The following FLT1 variants were observed in gnomAD, a reference collection of about 807,000 sequenced individuals.
FLT1 encodes vascular endothelial growth factor receptor 1.
A neutral mutation model predicts 156.3 loss-of-function variants in FLT1; 49 were observed. The ratio of observed to expected loss-of-function variants is 0.31; its 90% CI spans 0.25 to 0.40. The LOEUF is 0.40. Ranked by LOEUF, FLT1 falls within the 10% of genes least tolerant of loss-of-function variation. The pLI, the probability that FLT1 is intolerant of heterozygous loss-of-function variation, is 1.00. For synonymous variants in FLT1, 594 were observed against 583.8 expected (o/e 1.02, Z -0.25); for missense variants, 1,322 against 1,637.2 (o/e 0.81, Z 3.32).
intron 29 of FLT1, 60 bp downstream of exon 29, chr13:28,306,618 C>G: frequency 8.5e-7 from 1 of 1,174,692 alleles, no homozygotes; most frequent in Non-Finnish European, 1.3e-6. Flanking sequence ...CCACCTTCCC[C>G]CAGCATCTCC....
At chr13:28,385,898 G>A (rs1171554956) in intron 13 of FLT1, 1 of 1,040,374 alleles carries the variant, frequency 9.6e-7, no homozygotes, top group Non-Finnish European at 1.2e-6. Context: ...CTGCTGATGT[G>A]TATACATTCT....
At chr13:28,354,776 G>C (rs1029816431) in intron 15 of FLT1, among the ~76,000 whole-genome samples, 1 of 151,804 alleles carries the variant, frequency 6.6e-6, no homozygotes, top group African/African-American at 2.4e-5. Flanking sequence ...ATGGCAGTTG[G>C]GGGCAATAAT....
At chr13:28,417,799 T>A (rs1001601295) in intron 10 of FLT1, among the ~76,000 whole-genome samples, 1 of 151,882 alleles carries the variant, frequency 6.6e-6, no homozygotes, top group African/African-American at 2.4e-5. Flanking sequence ...CAATGCTGAG[T>A]GAATTAATCG....
At chr13:28,358,274 G>A (rs1158194319) in intron 14 of FLT1, among the ~76,000 whole-genome samples, 1 of 152,166 alleles carries the variant, frequency 6.6e-6, no homozygotes, top group Non-Finnish European at 1.5e-5. Flanking sequence ...ATAAGGCCTG[G>A]TGAGTCAATA....
intron 12 of FLT1, among the ~76,000 whole-genome samples, chr13:28,391,481 C>T (rs115605697): frequency 6.6e-6 from 1 of 152,214 alleles, no homozygotes; most frequent in Non-Finnish European, 1.5e-5. Flanking sequence ...GACCTGGAAG[C>T]CCCCTCCCCA....
At chr13:28,431,423 T>C in intron 6 of FLT1, 113 bp from the exon 7 acceptor site, 3 of 778,022 alleles carry the variant, frequency 3.9e-6, no homozygotes, top group Non-Finnish European at 4.3e-6. Flanking sequence ...TGTTTTATAC[T>C]AAGAATCATG....
At position 28,449,249 on chromosome 13, in the gene FLT1, C is replaced by T. The variant is rs75255618; in HGVS notation, c.389-10904G>A. 5.4e-4 allele frequency among the ~76,000 whole-genome samples: 82 copies of T among 152,182 alleles called. 1 individual carries two copies. In the East Asian group the frequency reaches 0.013, roughly 24 times the overall value. ...CAGTGTCACTGCACTCTGGCCTGGG[C>T]GACAGAGCAAGACCCTGTCTCTAAG... On this transcript the variant is annotated intron_variant, in intron 3 of 29. Coordinates refer to ENST00000282397, the MANE Select transcript of FLT1 (RefSeq NM_002019.4).
rs978825284 is a variant in FLT1 at position 28,471,933 on chromosome 13, C to T, written c.65-4316G>A. Among the ~76,000 whole-genome samples the T allele has an allele frequency of 5.3e-5, 8 of 152,046 alleles. No individual in the cohort carries two copies. In the East Asian group the frequency reaches 1.5e-3, roughly 29 times the overall value. ...ACTCAACATAGAGCATGAAAATGGG[C>T]TTTATCCCATGCTACTTTGTTAGAA... On this transcript the variant is annotated intron_variant, in intron 1 of 29. Coordinates refer to ENST00000282397, the MANE Select transcript of FLT1 (RefSeq NM_002019.4).
intron 18 of FLT1, among the ~76,000 whole-genome samples, 184 bp from the exon 19 acceptor site, chr13:28,329,912 CT>C (rs1871856564): frequency 6.6e-6 from 1 of 152,222 alleles, no homozygotes; most frequent in Non-Finnish European, 1.5e-5. Context: ...AGCCAACATC[CT>C]TTTGATTACA....
chr13:28,425,991 G>T (rs1055619699), intron 10 of FLT1, among the ~76,000 whole-genome samples: 1 of 152,152 alleles, frequency 6.6e-6, no homozygotes, highest in Non-Finnish European at 1.5e-5. Flanking sequence ...GAATTCCATA[G>T]CTCACCAGTA....
intron 15 of FLT1, among the ~76,000 whole-genome samples, chr13:28,354,763 A>G (rs1467818565): frequency 6.6e-6 from 1 of 152,158 alleles, no homozygotes; most frequent in African/African-American, 2.4e-5. Context: ...GAGTTCAAAA[A>G]GCATGGCAGT....
chr13:28,303,021 AGCACTATT>A lies in FLT1; in HGVS notation c.*138_*145del. On this transcript the variant is annotated 3_prime_UTR_variant, in exon 30 of 30. Transcript: ENST00000282397. ...CATTCTTGTTAGTCAAAAAAAAAAA[AGCACTATT>A]AAAAAAATCACAAAAAGCAGCTGGC... The A allele has an allele frequency of 1.5e-6, 1 of 653,562 alleles. No individual in the cohort carries two copies. Among genetic ancestry groups the A allele is most frequent in the African/African-American group, 1.9e-5 (1 of 53,780 alleles). 40.5% of individuals were successfully genotyped at this position (653,562 alleles called of 1,614,324 possible).
chr13:28,318,764 A>C (rs1283851068), intron 24 of FLT1, among the ~76,000 whole-genome samples: 2 of 152,140 alleles, frequency 1.3e-5, no homozygotes, highest in Non-Finnish European at 2.9e-5. Flanking sequence ...CGAGAACTTG[A>C]GTTTTAGAGG....
chr13:28,418,526 C>T (rs1876792552), intron 10 of FLT1, among the ~76,000 whole-genome samples: 1 of 152,092 alleles, frequency 6.6e-6, no homozygotes, highest in South Asian at 2.1e-4. Context: ...CTATGGGACA[C>T]CAGGGAAAAA....
intron 12 of FLT1, among the ~76,000 whole-genome samples, chr13:28,391,323 G>C (rs368001873): frequency 9.8e-5 from 15 of 152,312 alleles, no homozygotes; most frequent in African/African-American, 3.4e-4. Context: ...GAAAAGTCAA[G>C]TTGAGAACTG....
intron 15 of FLT1, among the ~76,000 whole-genome samples, chr13:28,354,191 T>C (rs1872822376): frequency 6.6e-6 from 1 of 152,232 alleles, no homozygotes; most frequent in Non-Finnish European, 1.5e-5. Flanking sequence ...GCAGGTACCG[T>C]ATTCAGCTGT....
At chr13:28,315,428 T>A (rs1374522095) in intron 25 of FLT1, among the ~76,000 whole-genome samples, 1 of 152,128 alleles carries the variant, frequency 6.6e-6, no homozygotes, top group Non-Finnish European at 1.5e-5. Context: ...TGGTGGCACA[T>A]GCCTGTAGTC....
At position 28,322,539 on chromosome 13, in the gene FLT1, T is replaced by A; in HGVS notation, c.2954-180A>T. 1 of 724,160 alleles carries A rather than the reference T, an allele frequency of 1.4e-6. No homozygotes were observed. Among genetic ancestry groups the A allele is most frequent in the Non-Finnish European group, 2.5e-6 (1 of 405,086 alleles). The allele number at this position is 724,160 out of a possible 1,614,324, so 44.9% of individuals were successfully genotyped here. ...GATTTTTCCAGGCCTCCAGCCCACT[T>A]TATCCAAGCATGGGGGCAGGGGGAT... On this transcript the variant is annotated intron_variant, in intron 21 of 29. Transcript: ENST00000282397. The surrounding 1 kb of genome is among the most constrained non-coding windows in gnomAD (Gnocchi z 4.3).
At chr13:28,318,907 C>T (rs754893989) in intron 24 of FLT1, among the ~76,000 whole-genome samples, 11 of 152,248 alleles carry the variant, frequency 7.2e-5, no homozygotes, top group East Asian at 3.9e-4. Flanking sequence ...TTGTTTATTG[C>T]TTATCCTGTA....
Sources: gnomAD v4.1 joint callset for allele counts (sites outside exome capture counted in the v4.1 genomes callset) on GRCh38, gnomAD v4.1.1 for gene constraint, Gnocchi (gnomAD v3.1) non-coding constraint, MANE v1.5 for transcripts, NCBI Gene and HGNC (gene_info 2026-07-23, HGNC 2026-07-21) for gene names.